Variants in CTNNA3 observed in about 807,000 individuals in gnomAD.
CTNNA3 encodes the protein catenin alpha 3.
CTNNA3 carries 76 observed loss-of-function variants against 95.7 expected under a neutral mutation model. That is an observed-to-expected ratio of 0.79 (90% CI 0.66 to 0.96). The LOEUF is 0.96. Ranked by LOEUF, CTNNA3 falls within the 40% of genes least tolerant of loss-of-function variation. The probability of loss-of-function intolerance (pLI) is 0.00; values close to 1 mark genes in which losing one functional copy is unlikely to be tolerated. For missense variants in CTNNA3, 1,191 were observed against 1,089.8 expected, an observed-to-expected ratio of 1.09 and a Z score of -1.31; for synonymous variants, 431 against 374.4, an observed-to-expected ratio of 1.15 and a Z score of -1.74.
chr10:66,851,633 T>TACAGACAC (rs371462415), intron 7 of CTNNA3, among the ~76,000 whole-genome samples: 6 of 144,486 alleles, frequency 4.2e-5, no homozygotes, highest in African/African-American at 1.5e-4. Flanking sequence ...TTCTCTCACA[T>TACAGACAC]ACACACACAC....
At chr10:66,539,039 T>C (rs1038065692) in intron 10 of CTNNA3, among the ~76,000 whole-genome samples, 1 of 152,186 alleles carries the variant, frequency 6.6e-6, no homozygotes, top group Non-Finnish European at 1.5e-5. Context: ...ATCATTGCTG[T>C]TATTGTCATA....
intron 15 of CTNNA3, among the ~76,000 whole-genome samples, chr10:66,034,500 A>G (rs2079521374): frequency 6.6e-6 from 1 of 152,222 alleles, no homozygotes; most frequent in Non-Finnish European, 1.5e-5. Context: ...CAACAGCAGC[A>G]GCAGCAGCAG....
chr10:66,707,571 A>T (rs1236820373), intron 9 of CTNNA3, among the ~76,000 whole-genome samples: 1 of 152,032 alleles, frequency 6.6e-6, no homozygotes, highest in African/African-American at 2.4e-5. Flanking sequence ...TTTCCTATTG[A>T]TTCTAACATG....
chr10:66,069,295 T>C lies in CTNNA3; in HGVS notation c.2159+13A>G, dbSNP rs895448832. The C allele has an allele frequency of 1.1e-5, 17 of 1,610,674 alleles. No individual in the cohort carries two copies. Among genetic ancestry groups the C allele is most frequent in the Non-Finnish European group, 1.4e-5 (16 of 1,177,450 alleles). ...CCATTATGAATATTACACATCGTTT[T>C]CCACATAATTACCTAGTGAAGTCTG... On this transcript the variant is annotated intron_variant, in intron 15 of 17. Coordinates refer to ENST00000433211, the MANE Select transcript of CTNNA3 (RefSeq NM_013266.4).
chr10:67,347,668 C>T (rs566053480), intron 5 of CTNNA3, among the ~76,000 whole-genome samples: 17 of 151,970 alleles, frequency 1.1e-4, no homozygotes, highest in African/African-American at 3.9e-4. Context: ...ACATGTTGCT[C>T]TTATCAATTT....
chr10:66,670,830 C>T (rs1290382826), intron 9 of CTNNA3, among the ~76,000 whole-genome samples: 1 of 152,172 alleles, frequency 6.6e-6, no homozygotes, highest in African/African-American at 2.4e-5. Flanking sequence ...TTCAAACAGA[C>T]CTGCCAACCA....
At chr10:66,380,941 C>T (rs1265492108) in intron 11 of CTNNA3, among the ~76,000 whole-genome samples, 1 of 151,842 alleles carries the variant, frequency 6.6e-6, no homozygotes, top group Admixed American at 6.6e-5. Flanking sequence ...TAGACTCCCA[C>T]ACAATAATAA....
At chr10:67,583,851 C>T (rs1424521975) in intron 3 of CTNNA3, among the ~76,000 whole-genome samples, 3 of 152,152 alleles carry the variant, frequency 2.0e-5, no homozygotes, top group Non-Finnish European at 4.4e-5. Flanking sequence ...TTGATTGAAT[C>T]GGCTACTGAA....
intron 11 of CTNNA3, among the ~76,000 whole-genome samples, chr10:66,489,587 T>C (rs1839850840): frequency 6.6e-6 from 1 of 152,160 alleles, no homozygotes; most frequent in African/African-American, 2.4e-5. Flanking sequence ...CACTTGTGCA[T>C]GCACACACAC....
chr10:66,064,170 G>A (rs2080267108), intron 15 of CTNNA3, among the ~76,000 whole-genome samples: 1 of 152,144 alleles, frequency 6.6e-6, no homozygotes, highest in African/African-American at 2.4e-5. Context: ...AAAGTGCCAA[G>A]TGAAGGCGGA....
At chr10:66,996,986 A>G (rs1358003213) in intron 7 of CTNNA3, among the ~76,000 whole-genome samples, 1 of 152,178 alleles carries the variant, frequency 6.6e-6, no homozygotes, top group Non-Finnish European at 1.5e-5. Context: ...AATGCAAAAG[A>G]TAATCAAGAA....
chr10:66,335,159 T>C (rs2092380199), intron 12 of CTNNA3, among the ~76,000 whole-genome samples: 1 of 152,112 alleles, frequency 6.6e-6, no homozygotes, highest in Non-Finnish European at 1.5e-5. Context: ...TTTTAACTTC[T>C]TTGCTATGGG....
At chr10:67,672,848 T>G (rs1840463848) in intron 1 of CTNNA3, among the ~76,000 whole-genome samples, 1 of 152,144 alleles carries the variant, frequency 6.6e-6, no homozygotes, top group Admixed American at 6.5e-5. Flanking sequence ...TGCGGGCTCT[T>G]TTTTGGTTCC....
intron 13 of CTNNA3, among the ~76,000 whole-genome samples, chr10:66,118,484 G>A (rs553977841): frequency 2.0e-5 from 3 of 152,202 alleles, no homozygotes; most frequent in East Asian, 3.9e-4. Context: ...CAACATGACC[G>A]AAATAAGTCC....
intron 1 of CTNNA3, among the ~76,000 whole-genome samples, chr10:67,734,543 T>C (rs1841292125): frequency 6.6e-6 from 1 of 152,192 alleles, no homozygotes; most frequent in Admixed American, 6.5e-5. Context: ...GTTAAATCAT[T>C]AGTCAAAATA....
chr10:67,298,621 T>C (rs1016364828), intron 5 of CTNNA3, among the ~76,000 whole-genome samples: 2 of 152,244 alleles, frequency 1.3e-5, no homozygotes, highest in African/African-American at 4.8e-5. Flanking sequence ...CTCTAGATTA[T>C]GAGTGATCAG....
intron 9 of CTNNA3, among the ~76,000 whole-genome samples, chr10:66,685,341 ATATATATATATTTTTTTTTTTTTTTTTTT>A (rs1847245976): frequency 2.8e-5 from 2 of 71,160 alleles, no homozygotes; most frequent in African/African-American, 1.4e-4. Context: ...ATATATATAT[ATATATATATATTTTTTTTTTTTTTTTTTT>A]TTTTTTTTTT....
At chr10:67,699,811 C>A (rs1423863979), upstream of CTNNA3, among the ~76,000 whole-genome samples, 2 of 152,204 alleles carry the variant, frequency 1.3e-5, no homozygotes, top group Non-Finnish European at 2.9e-5. Context: ...GAGCCGAAGT[C>A]GGGCAAGCCA....
intron 7 of CTNNA3, among the ~76,000 whole-genome samples, chr10:66,848,229 T>C (rs762147765): frequency 6.6e-6 from 1 of 152,222 alleles, no homozygotes; most frequent in African/African-American, 2.4e-5. Flanking sequence ...AAATCATATA[T>C]AGGCAAGATT....
Sources: gnomAD v4.1 joint callset for allele counts (sites outside exome capture counted in the v4.1 genomes callset) on GRCh38, gnomAD v4.1.1 for gene constraint, MANE v1.5 for transcripts, NCBI Gene and HGNC (gene_info 2026-07-23, HGNC 2026-07-21) for gene names.